The following RIMS2 variants were observed in gnomAD, a reference collection of about 807,000 sequenced individuals.
RIMS2 encodes the protein regulating synaptic membrane exocytosis 2, also known as regulating synaptic membrane exocytosis protein 2.
In RIMS2, 59 loss-of-function variants were observed where a neutral mutation model predicts 174.4. The observed-to-expected ratio is 0.34, with a 90% CI of 0.27 to 0.42. The LOEUF (loss-of-function observed/expected upper bound fraction) is 0.42, where lower values mean the gene tolerates loss of function less well. Ranked by LOEUF, RIMS2 falls within the 10% of genes least tolerant of loss-of-function variation. RIMS2 has a pLI of 1.00. For synonymous variants in RIMS2, 606 were observed against 572.5 expected, an observed-to-expected ratio of 1.06 and a Z score of -0.84; for missense variants, 1,620 against 1,666.3, an observed-to-expected ratio of 0.97 and a Z score of 0.48.
intron 8 of RIMS2, 121 bp downstream of exon 11, chr8:103,916,658 TTTTCTC>T (rs1418728399): frequency 1.1e-4 from 82 of 772,006 alleles, no homozygotes; most frequent in African/African-American, 1.1e-3. Context: ...GACAATAACT[TTTTCTC>T]TTTCCTTAAC....
chr8:103,759,484 G>T (rs751167566), intron 2 of RIMS2, among the ~76,000 whole-genome samples: 1 of 146,692 alleles, frequency 6.8e-6, no homozygotes, highest in Admixed American at 7.0e-5. Flanking sequence ...AGAATGGCGT[G>T]AACCTGGGAG....
chr8:103,776,720 G>GA (rs2098322267), intron 3 of RIMS2, among the ~76,000 whole-genome samples: 1 of 151,782 alleles, frequency 6.6e-6, no homozygotes, highest in African/African-American at 2.4e-5. Context: ...CTTGCAAAAA[G>GA]AAAAAAATAA....
chr8:104,093,675 A>G (rs75585848), intron 19 of RIMS2, 32 bp downstream of exon 24: 1 of 1,540,018 alleles, frequency 6.5e-7, no homozygotes, highest in Non-Finnish European at 8.8e-7. Flanking sequence ...ACTTCTCTAA[A>G]TATGTTTTAG....
chr8:103,986,277 G>A (rs1463699762), intron 16 of RIMS2, among the ~76,000 whole-genome samples: 2 of 152,002 alleles, frequency 1.3e-5, no homozygotes, highest in Non-Finnish European at 2.9e-5. Context: ...AAACAGTACA[G>A]AACAATGGAG....
At chr8:104,248,925 C>CTCTCTT in intron 21 of RIMS2, 112 bp downstream of exon 27, 1 of 545,288 alleles carries the variant, frequency 1.8e-6, no homozygotes. Flanking sequence ...CCCTCTCTCT[C>CTCTCTT]TCCCTCTATT....
At chr8:104,072,476 A>G (rs1454470592) in intron 19 of RIMS2, among the ~76,000 whole-genome samples, 3 of 152,182 alleles carry the variant, frequency 2.0e-5, no homozygotes, top group African/African-American at 7.2e-5. Flanking sequence ...CCAGGTCCAC[A>G]TAGCCACTAA....
chr8:103,885,584 T>G (rs1458040931), exon 4 of RIMS2: 2 of 1,612,462 alleles, frequency 1.2e-6, no homozygotes, highest in Non-Finnish European at 1.7e-6. Context: ...AGAGGAAGAG[T>G]ACCAGTCACG....
At chr8:104,245,982 T>C (rs917049823) in intron 20 of RIMS2, among the ~76,000 whole-genome samples, 3 of 152,144 alleles carry the variant, frequency 2.0e-5, no homozygotes, top group African/African-American at 7.2e-5. Flanking sequence ...GGGGGAGAAA[T>C]AGATTCACTA....
chr8:103,878,668 A>G (rs1201984866), intron 3 of RIMS2, among the ~76,000 whole-genome samples: 1 of 148,540 alleles, frequency 6.7e-6, no homozygotes, highest in Non-Finnish European at 1.5e-5. Context: ...TGTTTAGTAG[A>G]TTTCACGTGT....
chr8:103,861,960 T>C (rs2099061196), intron 3 of RIMS2, among the ~76,000 whole-genome samples: 1 of 152,186 alleles, frequency 6.6e-6, no homozygotes, highest in South Asian at 2.1e-4. Context: ...TTATTTCTTT[T>C]GCTGTGCAGC....
At chr8:104,046,067 G>T (rs141455378) in intron 19 of RIMS2, among the ~76,000 whole-genome samples, 22 of 152,112 alleles carry the variant, frequency 1.4e-4, no homozygotes, top group Non-Finnish European at 3.1e-4. Context: ...AGTCCATACA[G>T]ACTGCTGTAA....
intron 19 of RIMS2, among the ~76,000 whole-genome samples, chr8:104,178,893 A>G (rs1196517417): frequency 6.6e-6 from 1 of 152,134 alleles, no homozygotes; most frequent in African/African-American, 2.4e-5. Flanking sequence ...TAGTTCTTGG[A>G]TAATAAGAGA....
intron 2 of RIMS2, among the ~76,000 whole-genome samples, chr8:103,759,447 C>T (rs1354979823): frequency 6.6e-6 from 1 of 151,508 alleles, no homozygotes; most frequent in Non-Finnish European, 1.5e-5. Context: ...CGCCTGTAGT[C>T]CCAGCTACTC....
intron 3 of RIMS2, among the ~76,000 whole-genome samples, chr8:103,875,132 A>G (rs566805224): frequency 1.3e-5 from 2 of 152,122 alleles, no homozygotes; most frequent in South Asian, 2.1e-4. Flanking sequence ...TTTTATTTCT[A>G]TAGCTTTAGG....
At chr8:104,128,867 A>G (rs1385142469) in intron 19 of RIMS2, among the ~76,000 whole-genome samples, 1 of 152,138 alleles carries the variant, frequency 6.6e-6, no homozygotes, top group African/African-American at 2.4e-5. Flanking sequence ...GGCTAAATAT[A>G]TTTTACATTT....
chr8:104,226,149 A>G (rs1197897274), intron 19 of RIMS2, among the ~76,000 whole-genome samples: 2 of 152,188 alleles, frequency 1.3e-5, no homozygotes, highest in Middle Eastern at 3.2e-3. Flanking sequence ...AAGAAAATCC[A>G]TCCCACTGTA....
chr8:104,163,741 G>C (rs866310020), intron 19 of RIMS2, among the ~76,000 whole-genome samples: 1 of 152,134 alleles, frequency 6.6e-6, no homozygotes, highest in East Asian at 1.9e-4. Context: ...TTATTCCAAA[G>C]ATGTAAAAGG....
intron 2 of RIMS2, among the ~76,000 whole-genome samples, chr8:103,739,834 A>T (rs1238029137): frequency 1.3e-5 from 2 of 152,114 alleles, no homozygotes; most frequent in African/African-American, 2.4e-5. Flanking sequence ...AGTCTCTAGG[A>T]GCAAAACATA....
intron 19 of RIMS2, among the ~76,000 whole-genome samples, chr8:104,129,056 A>C (rs561391591): frequency 6.6e-6 from 1 of 152,290 alleles, no homozygotes; most frequent in East Asian, 1.9e-4. Flanking sequence ...GTACATTTTG[A>C]CTAAATTGTT....
Sources: gnomAD v4.1 joint callset for allele counts (sites outside exome capture counted in the v4.1 genomes callset) on GRCh38, gnomAD v4.1.1 for gene constraint, MANE v1.5 for transcripts, NCBI Gene and HGNC (gene_info 2026-07-23, HGNC 2026-07-21) for gene names.